AJAP1: variants seen among roughly 807,000 people sequenced by gnomAD.
AJAP1 encodes adherens junction-associated protein 1.
AJAP1 carries 5 observed loss-of-function variants against 35.0 expected under a neutral mutation model. The ratio of observed to expected loss-of-function variants is 0.14; its 90% CI spans 0.07 to 0.30. The LOEUF (loss-of-function observed/expected upper bound fraction) is 0.30, where lower values mean the gene tolerates loss of function less well. AJAP1 is among the 10% of genes least tolerant of loss of function. The pLI is 1.00. For synonymous variants in AJAP1, 284 were observed against 249.3 expected, an observed-to-expected ratio of 1.14 and a Z score of -1.31; for missense variants, 586 against 571.0, an observed-to-expected ratio of 1.03 and a Z score of -0.27.
At chr1:4,757,599 C>T (rs1641463609) in intron 2 of AJAP1, among the ~76,000 whole-genome samples, 1 of 152,226 alleles carries the variant, frequency 6.6e-6, no homozygotes, top group Middle Eastern at 3.2e-3. Context: ...GGGAGTGGGT[C>T]TACTACAGAC....
chr1:4,773,956 T>C (rs987129090), intron 4 of AJAP1, among the ~76,000 whole-genome samples: 5 of 152,222 alleles, frequency 3.3e-5, no homozygotes, highest in Admixed American at 6.5e-5. Context: ...CCCAAGGTCA[T>C]GCTCTGTTGG....
At chr1:4,701,955 A>G (rs912671330) in intron 1 of AJAP1, among the ~76,000 whole-genome samples, 2 of 152,150 alleles carry the variant, frequency 1.3e-5, no homozygotes, top group African/African-American at 4.8e-5. Flanking sequence ...ATGCACAGCC[A>G]TTCATAGATT....
intron 1 of AJAP1, among the ~76,000 whole-genome samples, chr1:4,702,490 C>G (rs1421574583): frequency 1.3e-5 from 2 of 152,226 alleles, no homozygotes; most frequent in East Asian, 3.8e-4. Context: ...CTGCTTTGCC[C>G]AAGGGCTTGA....
chr1:4,787,688 T>A lies in AJAP1; in HGVS notation c.*5203T>A, dbSNP rs1190333449. Reference sequence around the variant, plus strand: ...CACTGGCTCTGCCCAGCCCCTCCCATGTTGGTCCCATCTGTCAGGTTGCCA... The same window carrying A: ...CACTGGCTCTGCCCAGCCCCTCCCAAGTTGGTCCCATCTGTCAGGTTGCCA... On this transcript the variant is annotated 3_prime_UTR_variant, in exon 6 of 6. Coordinates refer to ENST00000378191, the MANE Select transcript of AJAP1 (RefSeq NM_018836.4). 8.8e-6 allele frequency: 4 copies of A among 455,998 alleles called. No individual in the cohort carries two copies. In the Admixed American group the frequency reaches 9.4e-5, roughly 11 times the overall value. 28.2% of individuals were successfully genotyped at this position (455,998 alleles called of 1,614,324 possible). A position where few individuals can be genotyped will look rare whatever the true frequency, so the allele number is the denominator to read the frequency against.
chr1:4,772,710 GGC>G (rs751420146), intron 4 of AJAP1, among the ~76,000 whole-genome samples, 185 bp downstream of exon 4: 1 of 152,244 alleles, frequency 6.6e-6, no homozygotes, highest in Non-Finnish European at 1.5e-5. Flanking sequence ...GATAGCAACA[GGC>G]GTTTAGCTGC....
intron 5 of AJAP1, among the ~76,000 whole-genome samples, chr1:4,776,996 A>C (rs1203460268): frequency 1.3e-5 from 2 of 152,216 alleles, no homozygotes; most frequent in Non-Finnish European, 2.9e-5. Flanking sequence ...CAGGAGGGCT[A>C]TGCACACAGC....
intron 2 of AJAP1, among the ~76,000 whole-genome samples, chr1:4,754,806 G>A (rs1386403380): frequency 1.3e-5 from 2 of 152,168 alleles, no homozygotes; most frequent in African/African-American, 4.8e-5. Flanking sequence ...TATTCCAAGC[G>A]AGCGAGCCTC....
intron 2 of AJAP1, among the ~76,000 whole-genome samples, chr1:4,769,429 A>G (rs1364309291): frequency 6.6e-6 from 1 of 152,186 alleles, no homozygotes; most frequent in Non-Finnish European, 1.5e-5. Context: ...TAACCGTTCC[A>G]GAATAGAAGT....
chr1:4,739,338 C>T (rs1394736578), intron 2 of AJAP1, among the ~76,000 whole-genome samples: 1 of 152,154 alleles, frequency 6.6e-6, no homozygotes, highest in Non-Finnish European at 1.5e-5. Flanking sequence ...AAAGTGGGTC[C>T]GTCCAAGCAC....
Position 4,706,688 on chromosome 1 carries a change from C to A in AJAP1, c.30-5212C>A, listed in dbSNP as rs1410561544. Among the ~76,000 whole-genome samples, 5 of 152,218 alleles carry A rather than the reference C, an allele frequency of 3.3e-5. No individual in the cohort carries two copies. In the South Asian group the frequency reaches 1.0e-3, roughly 32 times the overall value. ...GCTCCCAGGAGGCTCACGCCGCACA[C>A]TCCCGGCTCGGGGAAAGGTGCAACT... On this transcript the variant is annotated intron_variant, in intron 1 of 5. Transcript: ENST00000378191.
At chr1:4,695,582 A>G (rs1016768881) in intron 1 of AJAP1, among the ~76,000 whole-genome samples, 4 of 152,120 alleles carry the variant, frequency 2.6e-5, no homozygotes, top group Non-Finnish European at 5.9e-5. Flanking sequence ...TGGTTTAAAG[A>G]AGAGAAATGT....
chr1:4,683,478 C>A (rs1466450590), intron 1 of AJAP1, among the ~76,000 whole-genome samples: 1 of 152,232 alleles, frequency 6.6e-6, no homozygotes, highest in African/African-American at 2.4e-5. Context: ...ACTCTCAGGA[C>A]CCTTGAGCCT....
chr1:4,727,679 G>A (rs1295680752), intron 2 of AJAP1, among the ~76,000 whole-genome samples: 1 of 152,248 alleles, frequency 6.6e-6, no homozygotes, highest in African/African-American at 2.4e-5. Flanking sequence ...CCCCTGGAGT[G>A]TGGATGGGGC....
chr1:4,678,906 A>G (rs1208820585), intron 1 of AJAP1, among the ~76,000 whole-genome samples: 1 of 152,236 alleles, frequency 6.6e-6, no homozygotes, highest in Non-Finnish European at 1.5e-5. Context: ...TAATCCTCAT[A>G]ACAACCGAGT....
At chr1:4,704,147 A>AT (rs1420333489) in intron 1 of AJAP1, among the ~76,000 whole-genome samples, 1 of 142,200 alleles carries the variant, frequency 7.0e-6, no homozygotes, top group Non-Finnish European at 1.5e-5. Context: ...TCCAGCTGCC[A>AT]AACGGGGAAG....
intron 2 of AJAP1, among the ~76,000 whole-genome samples, chr1:4,731,838 C>G (rs779662577): frequency 6.6e-6 from 1 of 152,262 alleles, no homozygotes. Context: ...TACCCTTCCG[C>G]CCCTGTCCTT....
rs1378876230 is a variant in AJAP1 at position 4,787,482 on chromosome 1, CCTTAGT to C, written c.*5003_*5008del. 1 of 312,378 alleles carries C rather than the reference CCTTAGT, an allele frequency of 3.2e-6. No homozygotes were observed. The highest frequency in any genetic ancestry group is 4.7e-5 in the Admixed American group (1 of 21,492). 19.4% of individuals were successfully genotyped at this position (312,378 alleles called of 1,614,324 possible). A position where few individuals can be genotyped will look rare whatever the true frequency, so the allele number is the denominator to read the frequency against. ...TCTGGTGTTGGATGGAGGAAGAAGGCCTTAGTCTTAGCTCTTGGATAAAATGCAGTG... is the reference window on the plus strand; with the variant it reads ...TCTGGTGTTGGATGGAGGAAGAAGGCCTTAGCTCTTGGATAAAATGCAGTG... On this transcript the variant is annotated 3_prime_UTR_variant, in exon 6 of 6. Transcript: ENST00000378191.
chr1:4,715,383 C>T (rs1417782357), intron 2 of AJAP1, among the ~76,000 whole-genome samples: 1 of 152,214 alleles, frequency 6.6e-6, no homozygotes, highest in East Asian at 1.9e-4. Context: ...TCTTCACCAG[C>T]AAAATTGAGG....
rs1437153539 is a variant in AJAP1 at position 4,720,791 on chromosome 1, A to C, written c.829+8092A>C. On this transcript the variant is annotated intron_variant, in intron 2 of 5. Transcript: ENST00000378191. The surrounding 1 kb of genome is among the most constrained non-coding windows in gnomAD (Gnocchi z 4.4). ...CTGTGACCTTCAGTATCCTCTTTTG[A>C]GGTCAGTTAGGTTGTGTGGCTGCAT... Among the ~76,000 whole-genome samples the C allele has an allele frequency of 6.6e-6, 1 of 152,022 alleles. No homozygotes were observed. Among genetic ancestry groups the C allele is most frequent in the East Asian group, 1.9e-4 (1 of 5,182 alleles).
Sources: gnomAD v4.1 joint callset for allele counts (sites outside exome capture counted in the v4.1 genomes callset) on GRCh38, gnomAD v4.1.1 for gene constraint, Gnocchi (gnomAD v3.1) non-coding constraint, MANE v1.5 for transcripts, NCBI Gene and HGNC (gene_info 2026-07-23, HGNC 2026-07-21) for gene names.